The following MIR2052HG variants were observed in gnomAD, a reference collection of about 807,000 sequenced individuals.
The protein encoded by MIR2052HG is MIR2052 host gene.
At chr8:74,673,910 T>TACACACAC (rs1554575314) in intron 2 of MIR2052HG, among the ~76,000 whole-genome samples, 1 of 133,242 alleles carries the variant, frequency 7.5e-6, no homozygotes, top group African/African-American at 3.4e-5. Flanking sequence ...TATATATATA[T>TACACACAC]ACACACACAA....
intron 2 of MIR2052HG, among the ~76,000 whole-genome samples, chr8:74,659,599 C>T (rs1808840407): frequency 6.6e-6 from 1 of 152,092 alleles, no homozygotes; most frequent in Admixed American, 6.6e-5. Flanking sequence ...TACCACTGCA[C>T]CTGGCTAACT....
At chr8:74,716,999 T>G (rs1809527429) in intron 4 of MIR2052HG, among the ~76,000 whole-genome samples, 1 of 152,152 alleles carries the variant, frequency 6.6e-6, no homozygotes, top group Non-Finnish European at 1.5e-5. Flanking sequence ...TTTAATTTAA[T>G]TTAAGTTTTA....
chr8:74,748,832 A>G (rs1395269771), intron 4 of MIR2052HG, among the ~76,000 whole-genome samples: 1 of 151,858 alleles, frequency 6.6e-6, no homozygotes, highest in African/African-American at 2.4e-5. Flanking sequence ...GCTTTCTACC[A>G]CTTCCATGAC....
intron 4 of MIR2052HG, among the ~76,000 whole-genome samples, chr8:74,738,506 T>G (rs920399309): frequency 2.0e-5 from 3 of 152,138 alleles, no homozygotes; most frequent in Non-Finnish European, 4.4e-5. Context: ...AATTACTTAT[T>G]TTACTAAGTG....
At chr8:74,605,805 C>CAT (rs56029579) in intron 1 of MIR2052HG, among the ~76,000 whole-genome samples, 110,033 of 151,978 alleles carry the variant, frequency 0.72, 40,474 homozygotes, top group African/African-American at 0.87. Flanking sequence ...AAAATATAAA[C>CAT]GACCTTCTAA....
chr8:74,652,848 G>C (rs1808767354), intron 2 of MIR2052HG, among the ~76,000 whole-genome samples: 1 of 152,140 alleles, frequency 6.6e-6, no homozygotes, highest in South Asian at 2.1e-4. Context: ...AGAAACTAAA[G>C]CTGGGAGGAA....
intron 2 of MIR2052HG, among the ~76,000 whole-genome samples, chr8:74,698,396 T>C (rs1809322993): frequency 6.6e-6 from 1 of 152,136 alleles, no homozygotes; most frequent in African/African-American, 2.4e-5. Flanking sequence ...CCTAAAACCA[T>C]AAAAATTCTA....
chr8:74,618,464 G>A (rs1436631284), intron 2 of MIR2052HG, among the ~76,000 whole-genome samples: 2 of 152,146 alleles, frequency 1.3e-5, no homozygotes, highest in African/African-American at 4.8e-5. Flanking sequence ...GATAATGAGA[G>A]CCGGAAGGGA....
chr8:74,657,857 G>A (rs561779819), intron 2 of MIR2052HG, among the ~76,000 whole-genome samples: 4 of 152,126 alleles, frequency 2.6e-5, no homozygotes, highest in African/African-American at 9.6e-5. Flanking sequence ...TGAGATTTGG[G>A]TGGGGATACA....
intron 2 of MIR2052HG, among the ~76,000 whole-genome samples, chr8:74,643,025 T>C (rs1318455981): frequency 6.6e-6 from 1 of 152,164 alleles, no homozygotes; most frequent in Non-Finnish European, 1.5e-5. Context: ...CCTCCAACAA[T>C]TGGCAAAATT....
chr8:74,604,185 C>T, intron 1 of MIR2052HG: 1 of 893,540 alleles, frequency 1.1e-6, no homozygotes, highest in Non-Finnish European at 1.9e-6. Flanking sequence ...CCTTTCCATG[C>T]ATAAGTAGTC....
intron 2 of MIR2052HG, among the ~76,000 whole-genome samples, chr8:74,690,868 G>C (rs976707938): frequency 1.3e-5 from 2 of 151,792 alleles, no homozygotes; most frequent in African/African-American, 4.8e-5. Flanking sequence ...ACCAGAAAGA[G>C]GCAAAAAGGA....
chr8:74,662,879 TG>T, intron 2 of MIR2052HG, among the ~76,000 whole-genome samples: 1 of 151,538 alleles, frequency 6.6e-6, no homozygotes, highest in Non-Finnish European at 1.5e-5. Context: ...TGTGTGTGTG[TG>T]TGTGTGTGTG....
At chr8:74,635,508 TTAAAG>T (rs1808571907) in intron 2 of MIR2052HG, among the ~76,000 whole-genome samples, 1 of 152,078 alleles carries the variant, frequency 6.6e-6, no homozygotes, top group African/African-American at 2.4e-5. Context: ...AGACAATAAA[TTAAAG>T]GACATGCACA....
chr8:74,714,154 T>A (rs1809497737), intron 4 of MIR2052HG, among the ~76,000 whole-genome samples: 1 of 152,196 alleles, frequency 6.6e-6, no homozygotes, highest in African/African-American at 2.4e-5. Context: ...ATTAAGGATC[T>A]ACTAGGATGA....
At position 74,600,948 on chromosome 8, in the gene MIR2052HG, C is replaced by T. The variant is rs73687173; in HGVS notation, n.128+1040C>T. Among the ~76,000 whole-genome samples, 674 of 152,230 alleles carry T rather than the reference C, an allele frequency of 4.4e-3. 2 individuals are homozygous for T. Among genetic ancestry groups the T allele is most frequent in the African/African-American group, 0.015 (637 of 41,542 alleles). ...AGACCTGGGACATAGGTCTTACTGG[C>T]CCTAAACCTGTGTTCTTTCCACAAT... On this transcript the variant is annotated intron_variant and non_coding_transcript_variant, in intron 1 of 6. Coordinates refer to ENST00000523442, the Ensembl canonical transcript of MIR2052HG.
intron 1 of MIR2052HG, chr8:74,603,135 A>G (rs1808048913): frequency 3.0e-6 from 2 of 662,948 alleles, no homozygotes; most frequent in African/African-American, 3.6e-5. Flanking sequence ...AAACACTTTA[A>G]GTAAAAAATC....
intron 4 of MIR2052HG, among the ~76,000 whole-genome samples, chr8:74,732,526 A>G (rs1029796881): frequency 2.6e-5 from 4 of 152,214 alleles, no homozygotes; most frequent in African/African-American, 9.6e-5. Flanking sequence ...ACACATTCCT[A>G]TCCTTACAGA....
chr8:74,630,299 C>T (rs1353952738), intron 2 of MIR2052HG, among the ~76,000 whole-genome samples: 3 of 151,946 alleles, frequency 2.0e-5, no homozygotes, highest in Non-Finnish European at 4.4e-5. Flanking sequence ...TGAAGTTTCC[C>T]TCTTCTCTCC....
Sources: gnomAD v4.1 joint callset for allele counts (sites outside exome capture counted in the v4.1 genomes callset) on GRCh38, gnomAD v4.1.1 for gene constraint, MANE v1.5 for transcripts, NCBI Gene and HGNC (gene_info 2026-07-23, HGNC 2026-07-21) for gene names.